The following SETD5 variants were observed in gnomAD, a reference collection of about 807,000 sequenced individuals.
SETD5 encodes SET domain containing 5, also known as histone-lysine N-methyltransferase SETD5.
A neutral mutation model predicts 153.3 loss-of-function variants in SETD5; 44 were observed. The ratio of observed to expected loss-of-function variants is 0.29; its 90% CI spans 0.23 to 0.37. SETD5 has a LOEUF of 0.37. Ranked by LOEUF, SETD5 falls within the 10% of genes least tolerant of loss-of-function variation. The pLI is 1.00. For synonymous variants in SETD5, 716 were observed against 645.2 expected (o/e 1.11, Z -1.66); for missense variants, 1,544 against 1,768.0 (o/e 0.87, Z 2.27).
chr3:9,429,995 T>C, intron 3 of SETD5: 1 of 1,251,012 alleles, frequency 8.0e-7, no homozygotes, highest in Non-Finnish European at 1.0e-6. Flanking sequence ...TCCTGGTGTT[T>C]TGAATATGTT....
At chr3:9,424,943 T>C (rs118129664) in intron 2 of SETD5, among the ~76,000 whole-genome samples, 1 of 152,170 alleles carries the variant, frequency 6.6e-6, no homozygotes, top group East Asian at 1.9e-4. Context: ...ATGGTCAAGC[T>C]AACCTATTAT....
chr3:9,453,670 CA>C, intron 16 of SETD5, 68 bp from the exon 17 acceptor site: 6 of 1,423,340 alleles, frequency 4.2e-6, no homozygotes, highest in Non-Finnish European at 5.7e-6. Flanking sequence ...AGTTGATGTA[CA>C]TTTAAAACAG....
intron 3 of SETD5, chr3:9,432,261 C>CT (rs2040050683): frequency 1.0e-6 from 1 of 979,322 alleles, no homozygotes; most frequent in Non-Finnish European, 1.2e-6. Flanking sequence ...AAGTTCTTCA[C>CT]TTAGAAATTT....
chr3:9,458,898 C>G (rs1466094726), intron 17 of SETD5, among the ~76,000 whole-genome samples: 1 of 152,052 alleles, frequency 6.6e-6, no homozygotes, highest in African/African-American at 2.4e-5. Flanking sequence ...CGTTTTTGGA[C>G]CATTAATTTT....
In SETD5 at chr3:9,473,319, A is replaced by C. The variant is rs964366296; in HGVS notation, c.3279A>C (p.Lys1093Asn). The C allele has an allele frequency of 1.9e-6, 3 of 1,613,962 alleles. No homozygotes were observed. Among genetic ancestry groups the C allele is most frequent in the African/African-American group, 1.3e-5 (1 of 75,004 alleles). ...GGGGAGGTGACTCTGCACAGAGCAA[A>C]AGCAAGTCTGCAGGAGCTGGGCAAG... Reference protein sequence around the residue: ...AGGGGDSAQSKSKSAGAGQGS... With the variant: ...AGGGGDSAQSNSKSAGAGQGS... Residue 1093 changes from lysine to asparagine, a missense_variant, in exon 20 of 23, where the codon AAA (lysine) becomes AAC (asparagine). Transcript: ENST00000402198.
intron 7 of SETD5, among the ~76,000 whole-genome samples, chr3:9,438,102 C>T (rs1226855172): frequency 6.6e-6 from 1 of 152,058 alleles, no homozygotes; most frequent in Non-Finnish European, 1.5e-5. Flanking sequence ...TAGCACTTTA[C>T]CTAAAGTTTG....
At chr3:9,474,093 C>G (rs1384285833) in intron 20 of SETD5, among the ~76,000 whole-genome samples, 1 of 152,184 alleles carries the variant, frequency 6.6e-6, no homozygotes, top group Non-Finnish European at 1.5e-5. Context: ...AAGAACAGTC[C>G]TGGCTCAAAT....
intron 17 of SETD5, among the ~76,000 whole-genome samples, chr3:9,459,125 C>G (rs561149709): frequency 1.3e-5 from 2 of 152,224 alleles, no homozygotes; most frequent in East Asian, 3.9e-4. Flanking sequence ...GAAGTGGTAC[C>G]TGGTTGGCGA....
chr3:9,461,791 C>G (rs1446629960), intron 17 of SETD5, among the ~76,000 whole-genome samples: 1 of 152,152 alleles, frequency 6.6e-6, no homozygotes, highest in Non-Finnish European at 1.5e-5. Context: ...ACATAATTGA[C>G]TTTGATAGTT....
At chr3:9,424,734 AAAAC>A (rs1419125903) in intron 2 of SETD5, among the ~76,000 whole-genome samples, 15 of 152,222 alleles carry the variant, frequency 9.9e-5, no homozygotes, top group African/African-American at 2.9e-4. Context: ...CTGGTAGGAA[AAAAC>A]AAACAAATTA....
chr3:9,451,129 G>T (rs1463271171), intron 16 of SETD5, among the ~76,000 whole-genome samples: 1 of 152,124 alleles, frequency 6.6e-6, no homozygotes, highest in Admixed American at 6.5e-5. Flanking sequence ...TTGGTCTCCA[G>T]ACTTCTTAGA....
chr3:9,446,500 T>C (rs944003068), intron 13 of SETD5, among the ~76,000 whole-genome samples: 1 of 151,874 alleles, frequency 6.6e-6, no homozygotes, highest in Admixed American at 6.6e-5. Context: ...TGACTTTTTT[T>C]TTTTTCTTTT....
Position 9,470,764 on chromosome 3 carries a change from G to A in SETD5, c.3030G>A (p.Lys1010=), listed in dbSNP as rs1229458687. 5.6e-6 allele frequency: 9 copies of A among 1,613,986 alleles called. No individual in the cohort carries two copies. The East Asian group carries it at 2.0e-4, about 36-fold the overall frequency. The change falls in exon 19 of 23, where the codon AAG becomes AAA. Residue 1010 remains lysine (K), a synonymous_variant. Transcript: ENST00000402198. ...YRGSPLVGDR[K]PLHLDGGYCS... ...GATCTCCTCTAGTGGGGGATAGGAA[G>A]CCTTTACATTTGGATGGGGGATATT...
At chr3:9,418,101 C>T (rs904266088) in intron 1 of SETD5, among the ~76,000 whole-genome samples, 14 of 151,298 alleles carry the variant, frequency 9.3e-5, no homozygotes, top group East Asian at 3.9e-4. Context: ...CCACCGCTCC[C>T]GGCTAATTTT....
At chr3:9,455,444 C>T (rs1005577021) in intron 17 of SETD5, among the ~76,000 whole-genome samples, 3 of 151,978 alleles carry the variant, frequency 2.0e-5, no homozygotes, top group Non-Finnish European at 4.4e-5. Flanking sequence ...TTAGTTTATT[C>T]TTTTGTCTCT....
rs1342072593 is a variant in SETD5, at chr3:9,434,689, T to A, written c.330-135T>A. ...GATGTTAAAGCTATTGAATTTGATATGAAATTTAATGTCCTGGAAACATTT... is the reference window on the plus strand; with the variant it reads ...GATGTTAAAGCTATTGAATTTGATAAGAAATTTAATGTCCTGGAAACATTT... On this transcript the variant is annotated intron_variant, in intron 5 of 22. Coordinates refer to ENST00000402198, the MANE Select transcript of SETD5 (RefSeq NM_001080517.3). The surrounding 1 kb of genome is among the most constrained non-coding windows in gnomAD (Gnocchi z 5.6). 3.3e-5 allele frequency: 48 copies of A among 1,461,372 alleles called. No individual in the cohort carries two copies. The highest frequency in any genetic ancestry group is 4.3e-5 in the Non-Finnish European group (47 of 1,105,018). The allele number at this position is 1,461,372 out of a possible 1,614,324, so 90.5% of individuals were successfully genotyped here.
chr3:9,427,828 C>T (rs2039491686), intron 2 of SETD5, among the ~76,000 whole-genome samples: 1 of 152,144 alleles, frequency 6.6e-6, no homozygotes, highest in South Asian at 2.1e-4. Flanking sequence ...TGTAAAGTCA[C>T]ACAAAGAACA....
intron 17 of SETD5, among the ~76,000 whole-genome samples, chr3:9,460,341 A>G (rs1276355789): frequency 6.6e-6 from 1 of 151,744 alleles, no homozygotes; most frequent in African/African-American, 2.4e-5. Flanking sequence ...GGGACATAAT[A>G]TGTGAATAAC....
chr3:9,476,185 C>CGG lies in SETD5; in HGVS notation c.*99_*100dup. 1 of 1,466,994 alleles carries CGG rather than the reference C, an allele frequency of 6.8e-7. No homozygotes were observed. The highest frequency in any genetic ancestry group is 9.1e-7 in the Non-Finnish European group (1 of 1,101,376). The allele number at this position is 1,466,994 out of a possible 1,614,324, so 90.9% of individuals were successfully genotyped here. A position where few individuals can be genotyped will look rare whatever the true frequency, so the allele number is the denominator to read the frequency against. On this transcript the variant is annotated 3_prime_UTR_variant, in exon 23 of 23. Transcript: ENST00000402198. ...CTAGGCCGAGCATATTGCTGAGGAA[C>CGG]GGGGGGTACAAGGTGCCAGAGGATT...
Sources: allele counts gnomAD v4.1 joint callset (sites outside exome capture counted in the v4.1 genomes callset), GRCh38; gene constraint gnomAD v4.1.1; non-coding constraint Gnocchi (gnomAD v3.1); transcripts MANE v1.5; gene names NCBI Gene and HGNC (gene_info 2026-07-23, HGNC 2026-07-21).